ZNF714: variants seen among roughly 807,000 people sequenced by gnomAD.
ZNF714 encodes zinc finger protein 714.
Under a neutral mutation model 46.2 loss-of-function variants are expected in ZNF714, and 32 were observed. The observed-to-expected ratio is 0.69, with a 90% CI of 0.52 to 0.93. ZNF714 has a LOEUF of 0.93. Among genes scored for constraint, ZNF714 ranks in the 40% least tolerant of loss-of-function variants. ZNF714 has a pLI of 0.00. For synonymous variants in ZNF714, 199 were observed against 213.1 expected (o/e 0.93, Z 0.58); for missense variants, 635 against 646.3 (o/e 0.98, Z 0.19).
intron 4 of ZNF714, among the ~76,000 whole-genome samples, chr19:21,099,488 C>G (rs150353232): frequency 0.021 from 3,261 of 151,704 alleles, 48 homozygotes; most frequent in Admixed American, 0.042. Context: ...CTGGAAAACT[C>G]TATGTTACAT....
At chr19:21,110,946 T>C (rs1039027779) in intron 4 of ZNF714, among the ~76,000 whole-genome samples, 4 of 152,208 alleles carry the variant, frequency 2.6e-5, no homozygotes, top group Non-Finnish European at 5.9e-5. Flanking sequence ...CATTGGTCTA[T>C]GTGTCTGTTT....
chr19:21,082,290 C>G lies in ZNF714; in HGVS notation c.-235C>G. 6.9e-7 allele frequency: 1 copy of G among 1,440,284 alleles called. No individual in the cohort carries two copies. Among genetic ancestry groups the G allele is most frequent in the Non-Finnish European group, 9.4e-7 (1 of 1,066,340 alleles). The allele number at this position is 1,440,284 out of a possible 1,614,324, so 89.2% of individuals were successfully genotyped here. ...AGGCCCAGCCTCTGTGGCCCTGTGA[C>G]CTGCAGGTATTGAGAGATCCACAGC... On this transcript the variant is annotated 5_prime_UTR_variant, in exon 1 of 5. Coordinates refer to ENST00000456283, the MANE Select transcript of ZNF714 (RefSeq NM_182515.4).
chr19:21,115,035 T>C (rs741676), intron 4 of ZNF714, among the ~76,000 whole-genome samples: 124,170 of 151,680 alleles, frequency 0.82, 52,792 homozygotes, highest in Middle Eastern at 0.93. Context: ...TATTTTGTTT[T>C]GTGTATCTAT....
chr19:21,096,851 C>CATTT (rs111755749), intron 2 of ZNF714, among the ~76,000 whole-genome samples: 6,614 of 151,788 alleles, frequency 0.044, 477 homozygotes, highest in African/African-American at 0.15. Flanking sequence ...AACAGGATGG[C>CATTT]ATTTATTTAT....
chr19:21,103,002 C>T (rs1466579104), intron 4 of ZNF714, among the ~76,000 whole-genome samples: 2 of 151,948 alleles, frequency 1.3e-5, no homozygotes, highest in Non-Finnish European at 2.9e-5. Context: ...GTGTGTTTAT[C>T]TATAAATATG....
intron 2 of ZNF714, among the ~76,000 whole-genome samples, chr19:21,092,915 T>TC (rs1968947949): frequency 7.0e-6 from 1 of 143,510 alleles, no homozygotes; most frequent in African/African-American, 2.5e-5. Flanking sequence ...ACTTTTTTTT[T>TC]TTTTTTTTTT....
intron 4 of ZNF714, among the ~76,000 whole-genome samples, chr19:21,108,041 A>T (rs1219675257): frequency 6.6e-6 from 1 of 152,118 alleles, no homozygotes; most frequent in African/African-American, 2.4e-5. Flanking sequence ...TTTCCACCTC[A>T]GCCTCCTATG....
At chr19:21,101,386 T>G (rs144510585) in intron 4 of ZNF714, among the ~76,000 whole-genome samples, 1 of 152,200 alleles carries the variant, frequency 6.6e-6, no homozygotes, top group Non-Finnish European at 1.5e-5. Flanking sequence ...CACCTTTAGA[T>G]GGTTTGTTAC....
chr19:21,087,926 A>C (rs1026836917), intron 2 of ZNF714, among the ~76,000 whole-genome samples: 1 of 152,232 alleles, frequency 6.6e-6, no homozygotes, highest in Non-Finnish European at 1.5e-5. Context: ...TACATGTTAC[A>C]ATGTTAACTC....
chr19:21,124,602 C>T lies in ZNF714; in HGVS notation c.*6270C>T, dbSNP rs973446507. On this transcript the variant is annotated 3_prime_UTR_variant, in exon 5 of 5. Coordinates refer to ENST00000456283, the MANE Select transcript of ZNF714 (RefSeq NM_182515.4). ...GGTAATTAATACCTCACATAGTTAA[C>T]ATTTTTGTGGTGAGACCACGTCTTA... 6.6e-6 allele frequency among the ~76,000 whole-genome samples: 1 copy of T among 152,144 alleles called. No individual in the cohort carries two copies. Among genetic ancestry groups the T allele is most frequent in the African/African-American group, 2.4e-5 (1 of 41,446 alleles).
intron 4 of ZNF714, among the ~76,000 whole-genome samples, chr19:21,108,774 G>A (rs976989179): frequency 2.6e-5 from 4 of 152,106 alleles, no homozygotes; most frequent in African/African-American, 9.7e-5. Flanking sequence ...AGTCTATAAT[G>A]TCTGTTTTCT....
chr19:21,093,200 G>A (rs867953293), intron 2 of ZNF714, among the ~76,000 whole-genome samples: 16 of 150,986 alleles, frequency 1.1e-4, no homozygotes, highest in South Asian at 4.2e-4. Flanking sequence ...CACCATACCT[G>A]GCCTTGCAAA....
intron 4 of ZNF714, among the ~76,000 whole-genome samples, chr19:21,104,392 T>C (rs1568278274): frequency 6.6e-6 from 1 of 152,184 alleles, no homozygotes; most frequent in East Asian, 1.9e-4. Context: ...TTTGGAAATA[T>C]ATTCATAAGT....
intron 2 of ZNF714, 22 bp from the exon 3 acceptor site, chr19:21,098,163 T>C (rs1411813735): frequency 6.3e-7 from 1 of 1,594,630 alleles, no homozygotes. Flanking sequence ...TATACGTGTG[T>C]CTGTGCGTAT....
In ZNF714 at chr19:21,118,208, C is replaced by A; in HGVS notation, c.1544C>A (p.Thr515Asn). The change falls in exon 5 of 5, where the codon ACT becomes AAT. Residue 515 changes from threonine to asparagine, a missense_variant. Transcript: ENST00000456283. ...GTGGCTCATGCCTGTAATCCCAACA[C>A]TTTGAGAGGACTAGGTGAGCAGATC... is the stretch of plus-strand genomic sequence containing the variant. ...GMVAHACNPN[T>N]LRGLGEQIAR... 3 of 1,599,730 alleles carry A rather than the reference C, an allele frequency of 1.9e-6. No homozygotes were observed. The highest frequency in any genetic ancestry group is 1.1e-5 in the South Asian group (1 of 89,862).
In ZNF714 at chr19:21,119,699, T is replaced by G. The variant is rs969414102; in HGVS notation, c.*1367T>G. 6.6e-6 allele frequency: 1 copy of G among 152,184 alleles called. No individual in the cohort carries two copies. Among genetic ancestry groups the G allele is most frequent in the Non-Finnish European group, 1.5e-5 (1 of 68,044 alleles). 9.4% of individuals were successfully genotyped at this position (152,184 alleles called of 1,614,324 possible). On this transcript the variant is annotated 3_prime_UTR_variant, in exon 5 of 5. Coordinates refer to ENST00000456283, the MANE Select transcript of ZNF714 (RefSeq NM_182515.4). ...CAGATGCAGTAAAAGTTAAAAAAAATTTAATCCATAAGTAAGTCTGTGTAA... is the reference window on the plus strand; with the variant it reads ...CAGATGCAGTAAAAGTTAAAAAAAAGTTAATCCATAAGTAAGTCTGTGTAA...
At position 21,117,242 on chromosome 19, in the gene ZNF714, G is replaced by A; in HGVS notation, c.578G>A (p.Arg193Lys). The change falls in exon 5 of 5, where the codon AGA becomes AAA. Residue 193 changes from arginine (R) to lysine (K), a missense_variant. Transcript: ENST00000456283. ...TTCTCAACCCTTACTAGACACAAGA[G>A]AGTTCATACTGGAGAGAAACCCTTC... ...KRFSTLTRHK[R>K]VHTGEKPFKC... The A allele has an allele frequency of 6.2e-7, 1 of 1,613,922 alleles. No homozygotes were observed. Among genetic ancestry groups the A allele is most frequent in the South Asian group, 1.1e-5 (1 of 91,070 alleles).
rs1236951983 is a variant in ZNF714 at position 21,123,858 on chromosome 19, G to A, written c.*5526G>A. 1 of 152,018 alleles carries A rather than the reference G, an allele frequency of 6.6e-6. No individual in the cohort carries two copies. Among genetic ancestry groups the A allele is most frequent in the Non-Finnish European group, 1.5e-5 (1 of 67,986 alleles). The allele number at this position is 152,018 out of a possible 1,614,324, so 9.4% of individuals were successfully genotyped here. A position where few individuals can be genotyped will look rare whatever the true frequency, so the allele number is the denominator to read the frequency against. On this transcript the variant is annotated 3_prime_UTR_variant, in exon 5 of 5. Transcript: ENST00000456283. ...TTTTTCTTTTAGTGGGAGAAGTTTA[G>A]TCTACGGTTTTTATTTTTAGTCACC...
In ZNF714 at chr19:21,120,073, G is replaced by A. The variant is rs1969681247; in HGVS notation, c.*1741G>A. The A allele has an allele frequency of 6.6e-6, 1 of 152,098 alleles. No individual in the cohort carries two copies. The highest frequency in any genetic ancestry group is 2.1e-4 in the South Asian group (1 of 4,822). The allele number at this position is 152,098 out of a possible 1,614,324, so 9.4% of individuals were successfully genotyped here. A position where few individuals can be genotyped will look rare whatever the true frequency, so the allele number is the denominator to read the frequency against. ...TTCTGTTTTTTTGAGATGGAGTTTTGCTCTTTCGTCCAGGCTGGAGCACAG... is the reference window on the plus strand; with the variant it reads ...TTCTGTTTTTTTGAGATGGAGTTTTACTCTTTCGTCCAGGCTGGAGCACAG... On this transcript the variant is annotated 3_prime_UTR_variant, in exon 5 of 5. Transcript: ENST00000456283.
Sources: gnomAD v4.1 joint callset for allele counts (sites outside exome capture counted in the v4.1 genomes callset) on GRCh38, gnomAD v4.1.1 for gene constraint, MANE v1.5 for transcripts, NCBI Gene and HGNC (gene_info 2026-07-23, HGNC 2026-07-21) for gene names.